LRRC4C: variants seen among roughly 807,000 people sequenced by gnomAD.
LRRC4C encodes the protein leucine-rich repeat-containing protein 4C.
A neutral mutation model predicts 33.6 loss-of-function variants in LRRC4C; 5 were observed. That is an observed-to-expected ratio of 0.15 (90% CI 0.08 to 0.31). The LOEUF (loss-of-function observed/expected upper bound fraction) is 0.31, where lower values mean the gene tolerates loss of function less well. Among genes scored for constraint, LRRC4C ranks in the 10% least tolerant of loss-of-function variants. LRRC4C has a pLI of 1.00. For synonymous variants in LRRC4C, 329 were observed against 302.0 expected (o/e 1.09, Z -0.93); for missense variants, 560 against 796.7 (o/e 0.70, Z 3.58).
chr11:40,682,099 T>A lies in LRRC4C; in HGVS notation c.-406-33821A>T, dbSNP rs547719551. Among the ~76,000 whole-genome samples, 11 of 151,490 alleles carry A rather than the reference T, an allele frequency of 7.3e-5. No individual in the cohort carries two copies. The South Asian group carries it at 2.3e-3, about 32-fold the overall frequency. On this transcript the variant is annotated intron_variant, in intron 2 of 6. Transcript: ENST00000528697. ...TGCACCCCAATTACTTACAGAAAAA[T>A]AAAATTTAAAAAATACAAAAATTAG...
chr11:40,519,397 T>C (rs1163998635), intron 3 of LRRC4C, among the ~76,000 whole-genome samples: 1 of 152,210 alleles, frequency 6.6e-6, no homozygotes, highest in African/African-American at 2.4e-5. Flanking sequence ...AATGAAAGTA[T>C]AAGTTTAAAT....
At chr11:41,244,893 C>A (rs1428267995) in intron 1 of LRRC4C, among the ~76,000 whole-genome samples, 1 of 152,130 alleles carries the variant, frequency 6.6e-6, no homozygotes, top group Non-Finnish European at 1.5e-5. Flanking sequence ...TTCTATCCAT[C>A]AACGATAATG....
At chr11:40,730,812 C>T (rs1454121971) in intron 2 of LRRC4C, among the ~76,000 whole-genome samples, 1 of 152,216 alleles carries the variant, frequency 6.6e-6, no homozygotes, top group Non-Finnish European at 1.5e-5. Flanking sequence ...ACAGCCTCAA[C>T]TAAAGTGAAG....
chr11:40,171,885 A>C (rs1336800517), intron 5 of LRRC4C, among the ~76,000 whole-genome samples: 1 of 152,088 alleles, frequency 6.6e-6, no homozygotes, highest in African/African-American at 2.4e-5. Flanking sequence ...TCCTCTTATG[A>C]ATATATTAGT....
intron 2 of LRRC4C, among the ~76,000 whole-genome samples, chr11:40,713,479 G>A (rs762451141): frequency 7.9e-5 from 12 of 152,216 alleles, no homozygotes; most frequent in Admixed American, 6.5e-4. Context: ...TTAGAAGCCC[G>A]CTTCTGCCAG....
chr11:41,400,752 CAT>C (rs1400127145), intron 1 of LRRC4C, among the ~76,000 whole-genome samples: 2 of 151,784 alleles, frequency 1.3e-5, no homozygotes, highest in South Asian at 2.1e-4. Flanking sequence ...GTTTTGTGTC[CAT>C]ATGAGATTAG....
intron 4 of LRRC4C, among the ~76,000 whole-genome samples, chr11:40,277,470 G>A (rs1483508349): frequency 6.6e-6 from 1 of 152,038 alleles, no homozygotes; most frequent in East Asian, 1.9e-4. Flanking sequence ...GGGGGAAAGA[G>A]GAAGGAACTA....
chr11:41,415,140 C>T (rs1476211849), intron 1 of LRRC4C, among the ~76,000 whole-genome samples: 1 of 152,126 alleles, frequency 6.6e-6, no homozygotes, highest in Non-Finnish European at 1.5e-5. Flanking sequence ...AAGTAACTAG[C>T]AGGACTTGAA....
In LRRC4C at chr11:41,422,577, C is replaced by T. The variant is rs554134289; in HGVS notation, c.-496+36854G>A. ...GAAGGACCTGAGTCTTTCATGATACCTTGGTTCCACTGAAACACCAAACCC... is the reference window on the plus strand; with the variant it reads ...GAAGGACCTGAGTCTTTCATGATACTTTGGTTCCACTGAAACACCAAACCC... On this transcript the variant is annotated intron_variant, in intron 1 of 6. Transcript: ENST00000528697. Among the ~76,000 whole-genome samples the T allele has an allele frequency of 1.4e-4, 22 of 151,970 alleles. No homozygotes were observed. The South Asian group carries it at 4.6e-3, about 32-fold the overall frequency.
At chr11:41,458,725 G>A (rs1487267960) in intron 1 of LRRC4C, among the ~76,000 whole-genome samples, 1 of 151,966 alleles carries the variant, frequency 6.6e-6, no homozygotes, top group African/African-American at 2.4e-5. Flanking sequence ...ACCATGTAGG[G>A]TAAGAGGATG....
chr11:41,066,901 G>T (rs1262766886), intron 1 of LRRC4C, among the ~76,000 whole-genome samples: 1 of 152,144 alleles, frequency 6.6e-6, no homozygotes, highest in African/African-American at 2.4e-5. Context: ...CCTTGCAAGA[G>T]CTCCTGAAGC....
intron 1 of LRRC4C, among the ~76,000 whole-genome samples, chr11:41,327,111 G>A (rs1188791553): frequency 1.3e-5 from 2 of 152,188 alleles, no homozygotes; most frequent in Admixed American, 6.5e-5. Flanking sequence ...ACGTGGTATA[G>A]CTCATTAAAT....
intron 2 of LRRC4C, among the ~76,000 whole-genome samples, chr11:40,931,161 A>G (rs1712583811): frequency 1.3e-5 from 2 of 152,182 alleles, no homozygotes; most frequent in Non-Finnish European, 2.9e-5. Flanking sequence ...AAAGAATCAA[A>G]CAGCAAACAA....
chr11:40,729,840 T>C (rs1947468987), intron 2 of LRRC4C, among the ~76,000 whole-genome samples: 1 of 152,190 alleles, frequency 6.6e-6, no homozygotes, highest in Admixed American at 6.5e-5. Context: ...CTTCAACAAG[T>C]TCCTACTATA....
intron 2 of LRRC4C, among the ~76,000 whole-genome samples, chr11:40,903,416 A>T (rs1324736423): frequency 1.3e-5 from 2 of 152,234 alleles, no homozygotes; most frequent in African/African-American, 2.4e-5. Flanking sequence ...CTAACACATC[A>T]TCCATTCTGC....
At chr11:41,234,351 TATC>T (rs1176873348) in intron 1 of LRRC4C, among the ~76,000 whole-genome samples, 27 of 152,192 alleles carry the variant, frequency 1.8e-4, no homozygotes, top group African/African-American at 6.3e-4. Flanking sequence ...CTCATATACT[TATC>T]ATTTCTTTTT....
intron 3 of LRRC4C, among the ~76,000 whole-genome samples, chr11:40,610,207 G>A (rs1961062901): frequency 6.6e-6 from 1 of 151,810 alleles, no homozygotes. Flanking sequence ...TTTTCTCCTG[G>A]AGTACCAAGA....
intron 1 of LRRC4C, among the ~76,000 whole-genome samples, chr11:40,990,875 AAAG>A (rs566105979): frequency 4.1e-4 from 63 of 152,294 alleles, no homozygotes; most frequent in African/African-American, 1.5e-3. Context: ...ATGAAATGTA[AAAG>A]AAGTGCTTTT....
intron 1 of LRRC4C, among the ~76,000 whole-genome samples, chr11:41,152,214 C>T (rs1169969407): frequency 1.3e-5 from 2 of 152,188 alleles, no homozygotes; most frequent in Non-Finnish European, 2.9e-5. Context: ...CCTGCCTACA[C>T]CTGAGTGACT....
Sources: gnomAD v4.1 joint callset for allele counts (sites outside exome capture counted in the v4.1 genomes callset) on GRCh38, gnomAD v4.1.1 for gene constraint, MANE v1.5 for transcripts, NCBI Gene and HGNC (gene_info 2026-07-23, HGNC 2026-07-21) for gene names.